The following CCDC192 variants were observed in gnomAD, a reference collection of about 807,000 sequenced individuals.
CCDC192 encodes the protein coiled-coil domain-containing protein 192.
chr5:127,719,490 TATATA>T, intron 2 of CCDC192, among the ~76,000 whole-genome samples: 1 of 130,250 alleles, frequency 7.7e-6, no homozygotes, highest in Admixed American at 8.7e-5. Context: ...TATATATATA[TATATA>T]CACACACATA....
intron 5 of CCDC192, among the ~76,000 whole-genome samples, chr5:127,802,319 G>C (rs988962782): frequency 3.9e-5 from 6 of 152,116 alleles, no homozygotes; most frequent in African/African-American, 1.4e-4. Flanking sequence ...TAGTTCCAAA[G>C]CCTTGAGTGA....
At chr5:127,932,779 C>G (rs569259057) in intron 6 of CCDC192, among the ~76,000 whole-genome samples, 1 of 152,152 alleles carries the variant, frequency 6.6e-6, no homozygotes, top group African/African-American at 2.4e-5. Context: ...TTTCATGGAG[C>G]TTTCATTCCA....
intron 6 of CCDC192, among the ~76,000 whole-genome samples, chr5:127,906,435 G>C (rs566111451): frequency 2.0e-5 from 3 of 152,108 alleles, no homozygotes; most frequent in African/African-American, 2.4e-5. Flanking sequence ...TGGACATTAG[G>C]GTTGTTTCTA....
chr5:127,800,416 A>AAAAAAAAAAG (rs1757445365), intron 5 of CCDC192, among the ~76,000 whole-genome samples: 1 of 148,704 alleles, frequency 6.7e-6, no homozygotes, highest in African/African-American at 2.5e-5. Context: ...AACAACAAAA[A>AAAAAAAAAAG]GTAGGAAGAC....
chr5:127,759,363 T>C (rs1754788124), intron 3 of CCDC192, among the ~76,000 whole-genome samples: 1 of 152,230 alleles, frequency 6.6e-6, no homozygotes. Context: ...TGATAAGTTC[T>C]TGAGGGCACT....
At chr5:127,811,252 G>T (rs1172596804) in intron 5 of CCDC192, among the ~76,000 whole-genome samples, 1 of 152,084 alleles carries the variant, frequency 6.6e-6, no homozygotes, top group Non-Finnish European at 1.5e-5. Flanking sequence ...TCCCTCCCTT[G>T]TTGGGGCATT....
chr5:127,778,845 G>A (rs1756021645), intron 3 of CCDC192, among the ~76,000 whole-genome samples: 1 of 151,534 alleles, frequency 6.6e-6, no homozygotes, highest in Non-Finnish European at 1.5e-5. Flanking sequence ...GTCAGTTTTA[G>A]TAATTCATGG....
At chr5:127,924,477 T>A (rs1161616595) in intron 6 of CCDC192, among the ~76,000 whole-genome samples, 3 of 152,192 alleles carry the variant, frequency 2.0e-5, no homozygotes, top group Non-Finnish European at 2.9e-5. Flanking sequence ...CAGAAATTAA[T>A]AATAGATGGA....
chr5:127,718,620 G>A (rs1366048542), intron 2 of CCDC192, among the ~76,000 whole-genome samples: 1 of 152,172 alleles, frequency 6.6e-6, no homozygotes, highest in East Asian at 1.9e-4. Flanking sequence ...GGGTTACTCT[G>A]TACTAACACT....
intron 6 of CCDC192, among the ~76,000 whole-genome samples, chr5:127,925,711 G>T (rs56806325): frequency 0.09 from 13,742 of 152,114 alleles, 1,447 homozygotes; most frequent in East Asian, 0.32. Flanking sequence ...GCCCTCCCAC[G>T]TCGACATTAT....
chr5:127,869,659 T>C (rs1751764732), intron 5 of CCDC192, among the ~76,000 whole-genome samples: 1 of 152,180 alleles, frequency 6.6e-6, no homozygotes, highest in African/African-American at 2.4e-5. Context: ...ATGCCACTTC[T>C]GTATCTAATA....
chr5:127,708,141 T>C (rs1165609278), intron 2 of CCDC192, among the ~76,000 whole-genome samples: 1 of 152,208 alleles, frequency 6.6e-6, no homozygotes, highest in Non-Finnish European at 1.5e-5. Context: ...ATGATATACA[T>C]TGGGTACAAC....
Position 127,707,713 on chromosome 5 carries a change from A to G in CCDC192, c.67A>G (p.Thr23Ala). 2.5e-6 allele frequency: 1 copy of G among 398,634 alleles called. No homozygotes were observed. The highest frequency in any genetic ancestry group is 4.4e-6 in the Non-Finnish European group (1 of 225,868). 24.7% of individuals were successfully genotyped at this position (398,634 alleles called of 1,614,324 possible). ...TAAATGTTTACTTTTTTTCAGCATGACGTCTGGAAGTTCAGAGTCAGATAT... is the reference window on the plus strand; with the variant it reads ...TAAATGTTTACTTTTTTTCAGCATGGCGTCTGGAAGTTCAGAGTCAGATAT... ...ESDTSERSSMTSGSSESDIPQ... is the reference protein window; with the variant it reads ...ESDTSERSSMASGSSESDIPQ... The change falls in exon 2 of 7, where the codon ACG (threonine) becomes GCG (alanine). Residue 23 changes from threonine to alanine, a missense_variant. Physicochemically the swap from Thr to Ala is moderately conservative, Grantham distance 58. Transcript: ENST00000514853.
intron 5 of CCDC192, chr5:127,857,592 T>G (rs964967008): frequency 6.6e-6 from 1 of 152,092 alleles, no homozygotes; most frequent in Non-Finnish European, 1.5e-5. Flanking sequence ...AGAGAAAGAT[T>G]TATGTTAAAA....
rs368898527 is a variant in CCDC192 at position 127,916,350 on chromosome 5, C to T, written c.536-24832C>T. On this transcript the variant is annotated intron_variant, in intron 6 of 6. Transcript: ENST00000514853. ...AGACATTCATGAGGGTTGGAATCAA[C>T]TTCCTCTATACTGTTGTTAATATTG... Among the ~76,000 whole-genome samples the T allele has an allele frequency of 2.1e-3, 321 of 152,304 alleles. 1 individual carries two copies. The highest frequency in any genetic ancestry group is 7.5e-3 in the African/African-American group (313 of 41,568).
intron 5 of CCDC192, among the ~76,000 whole-genome samples, chr5:127,815,880 A>G (rs561340374): frequency 6.6e-6 from 1 of 152,066 alleles, no homozygotes; most frequent in Admixed American, 6.5e-5. Context: ...AAAAAAAATA[A>G]AAATAAAAGA....
rs138998387 is a variant in CCDC192 at position 127,940,916 on chromosome 5, A to G, written c.536-266A>G. On this transcript the variant is annotated intron_variant, in intron 6 of 6. Coordinates refer to ENST00000514853, the MANE Select transcript of CCDC192 (RefSeq NM_001317938.2). ...ATTCCCATGGTTAACTGAAAGTTAAATGCATATAAACAAGAGTTGGCAAGG... is the reference window on the plus strand; with the variant it reads ...ATTCCCATGGTTAACTGAAAGTTAAGTGCATATAAACAAGAGTTGGCAAGG... The G allele has an allele frequency of 6.6e-4, 203 of 305,616 alleles. 1 individual carries two copies. The highest frequency in any genetic ancestry group is 4.1e-3 in the African/African-American group (192 of 46,908). 18.9% of individuals were successfully genotyped at this position (305,616 alleles called of 1,614,324 possible). A position where few individuals can be genotyped will look rare whatever the true frequency, so the allele number is the denominator to read the frequency against.
At chr5:127,785,099 T>C in intron 3 of CCDC192, 1 of 518,546 alleles carries the variant, frequency 1.9e-6, no homozygotes, top group South Asian at 1.4e-5. Flanking sequence ...TCTTCTGTGT[T>C]GTACTGAAGC....
chr5:127,906,551 T>C (rs1437403426), intron 6 of CCDC192, among the ~76,000 whole-genome samples: 2 of 152,200 alleles, frequency 1.3e-5, no homozygotes, highest in Admixed American at 6.5e-5. Context: ...TCTGAGAGGC[T>C]GAGGGGGGTG....
Sources: gnomAD v4.1 joint callset for allele counts (sites outside exome capture counted in the v4.1 genomes callset) on GRCh38, gnomAD v4.1.1 for gene constraint, MANE v1.5 for transcripts, NCBI Gene and HGNC (gene_info 2026-07-23, HGNC 2026-07-21) for gene names.